Variants in FHIT observed in about 807,000 individuals in gnomAD.
FHIT encodes the protein fragile histidine triad diadenosine triphosphatase, also known as bis(5'-adenosyl)-triphosphatase.
Under a neutral mutation model 17.9 loss-of-function variants are expected in FHIT, and 19 were observed. That is an observed-to-expected ratio of 1.06 (90% CI 0.74 to 1.56). FHIT has a LOEUF of 1.56. Among genes scored for constraint, FHIT ranks in the 40% most tolerant of loss-of-function variants. FHIT has a pLI of 0.00. For synonymous variants in FHIT, 81 were observed against 69.7 expected, an observed-to-expected ratio of 1.16 and a Z score of -0.81; for missense variants, 248 against 189.2, an observed-to-expected ratio of 1.31 and a Z score of -1.82.
At chr3:60,753,359 C>G (rs529783998) in intron 4 of FHIT, among the ~76,000 whole-genome samples, 15 of 152,184 alleles carry the variant, frequency 9.9e-5, no homozygotes, top group Admixed American at 3.9e-4. Context: ...AGCCCTCTGG[C>G]GGGTAACAGA....
intron 4 of FHIT, among the ~76,000 whole-genome samples, chr3:60,798,361 C>T (rs999791749): frequency 6.6e-6 from 1 of 152,146 alleles, no homozygotes; most frequent in Admixed American, 6.5e-5. Context: ...ACTAAAATGT[C>T]ATCAGCCCAA....
chr3:60,551,714 T>C (rs1483639486), intron 4 of FHIT, among the ~76,000 whole-genome samples: 3 of 148,944 alleles, frequency 2.0e-5, no homozygotes, highest in African/African-American at 7.5e-5. Flanking sequence ...GCTGTGATCA[T>C]GCCCCTGCAC....
intron 8 of FHIT, among the ~76,000 whole-genome samples, chr3:59,846,201 G>A (rs1220087208): frequency 6.6e-6 from 1 of 151,712 alleles, no homozygotes; most frequent in Non-Finnish European, 1.5e-5. Context: ...TTTGTGTTTG[G>A]TTGATTTCTT....
Position 60,014,165 on chromosome 3 carries a change from C to T in FHIT, c.104-13G>A. 1 of 1,613,638 alleles carries T rather than the reference C, an allele frequency of 6.2e-7. No individual in the cohort carries two copies. The highest frequency in any genetic ancestry group is 8.5e-7 in the Non-Finnish European group (1 of 1,179,786). Reference sequence around the variant, plus strand: ...CACACAAGGACATCTGTAGCAAGGTCTGTTAAGGCCCATGCTGCTGGCTTT... The same window carrying T: ...CACACAAGGACATCTGTAGCAAGGTTTGTTAAGGCCCATGCTGCTGGCTTT... On this transcript the variant is annotated splice_polypyrimidine_tract_variant and intron_variant, in intron 5 of 9. Transcript: ENST00000492590.
intron 7 of FHIT, among the ~76,000 whole-genome samples, chr3:59,978,319 C>A (rs951248059): frequency 6.6e-6 from 1 of 152,092 alleles, no homozygotes; most frequent in Admixed American, 6.6e-5. Flanking sequence ...GGCCACCTTA[C>A]ATGCCAATTA....
intron 2 of FHIT, among the ~76,000 whole-genome samples, chr3:61,156,947 A>G (rs2037551240): frequency 6.6e-6 from 1 of 152,234 alleles, no homozygotes; most frequent in Non-Finnish European, 1.5e-5. Flanking sequence ...CATGCCTACT[A>G]AAGTTTGGAA....
chr3:60,136,796 G>A lies in FHIT; in HGVS notation c.104-122644C>T, dbSNP rs12629475. On this transcript the variant is annotated intron_variant, in intron 5 of 9. Transcript: ENST00000492590. Reference sequence around the variant, plus strand: ...ACGAGGCCATGTACCTTGTGGGGGAGCTGTGTCTCCACAAAAGGAGTATCT... The same window carrying A: ...ACGAGGCCATGTACCTTGTGGGGGAACTGTGTCTCCACAAAAGGAGTATCT... Among the ~76,000 whole-genome samples, 21 of 152,278 alleles carry A rather than the reference G, an allele frequency of 1.4e-4. No homozygotes were observed. The East Asian group carries it at 2.9e-3, about 21-fold the overall frequency.
At chr3:61,221,500 T>G (rs192498483) in intron 1 of FHIT, among the ~76,000 whole-genome samples, 19 of 152,318 alleles carry the variant, frequency 1.2e-4, no homozygotes, top group Non-Finnish European at 2.4e-4. Flanking sequence ...TCAGATAGCC[T>G]TAGACTTAAA....
intron 5 of FHIT, among the ~76,000 whole-genome samples, chr3:60,452,129 A>G (rs1344225558): frequency 1.3e-5 from 2 of 152,218 alleles, no homozygotes; most frequent in African/African-American, 4.8e-5. Context: ...GAGGAGAAAT[A>G]CTGTAACCAC....
intron 8 of FHIT, among the ~76,000 whole-genome samples, chr3:59,784,495 C>A (rs673870): frequency 6.6e-6 from 1 of 152,162 alleles, no homozygotes; most frequent in African/African-American, 2.4e-5. Flanking sequence ...TCATTACTTA[C>A]AACTGTGTGG....
At chr3:60,371,650 G>A (rs936832463) in intron 5 of FHIT, among the ~76,000 whole-genome samples, 1 of 152,042 alleles carries the variant, frequency 6.6e-6, no homozygotes, top group East Asian at 1.9e-4. Flanking sequence ...GCTCTATGAT[G>A]TAACTTAGAA....
intron 6 of FHIT, among the ~76,000 whole-genome samples, chr3:60,013,050 TTTG>T (rs1700201978): frequency 6.6e-6 from 1 of 151,968 alleles, no homozygotes; most frequent in East Asian, 1.9e-4. Context: ...ACACAAAGCA[TTTG>T]GGGGAAGTTT....
At chr3:60,525,914 GC>G (rs2035555534) in intron 5 of FHIT, among the ~76,000 whole-genome samples, 1 of 152,034 alleles carries the variant, frequency 6.6e-6, no homozygotes, top group South Asian at 2.1e-4. Flanking sequence ...ATCAGCCTGA[GC>G]AACATGGTGA....
chr3:60,940,591 T>C (rs1708369555), intron 3 of FHIT, among the ~76,000 whole-genome samples: 1 of 152,212 alleles, frequency 6.6e-6, no homozygotes, highest in African/African-American at 2.4e-5. Flanking sequence ...TGATAATGTC[T>C]GAGGGTTATA....
Position 59,971,928 on chromosome 3 carries a change from C to G in FHIT, c.279+39443G>C, listed in dbSNP as rs143797931. The stretch of plus-strand genomic sequence containing the variant: ...CACCAACGTCAGTGCCTTATTCCAT[C>G]TCATTTCTCCCATTCAGTTAGTTTC... On this transcript the variant is annotated intron_variant, in intron 7 of 9. Coordinates refer to ENST00000492590, the MANE Select transcript of FHIT (RefSeq NM_002012.4). 1.4e-3 allele frequency among the ~76,000 whole-genome samples: 219 copies of G among 152,316 alleles called. 1 individual carries two copies. Among genetic ancestry groups the G allele is most frequent in the African/African-American group, 4.7e-3 (195 of 41,578 alleles).
At chr3:60,525,596 G>C (rs2035543727) in intron 5 of FHIT, among the ~76,000 whole-genome samples, 1 of 152,050 alleles carries the variant, frequency 6.6e-6, no homozygotes, top group Non-Finnish European at 1.5e-5. Flanking sequence ...TAATATCTTG[G>C]GCAGAACGTA....
rs797044160 is a variant in FHIT at position 60,799,923 on chromosome 3, C to T, written c.-18+21996G>A. Among the ~76,000 whole-genome samples, 5 of 152,224 alleles carry T rather than the reference C, an allele frequency of 3.3e-5. 1 individual carries two copies. The highest frequency in any genetic ancestry group is 1.2e-4 in the African/African-American group (5 of 41,528). On this transcript the variant is annotated intron_variant, in intron 4 of 9. Coordinates refer to ENST00000492590, the MANE Select transcript of FHIT (RefSeq NM_002012.4). The stretch of plus-strand genomic sequence containing the variant: ...TTTATTTTGTTTATCACTTCCAGTG[C>T]CCACAATGCCTGGAAATCATACATA...
intron 7 of FHIT, among the ~76,000 whole-genome samples, chr3:59,931,232 C>T (rs1028794004): frequency 6.6e-5 from 10 of 152,296 alleles, no homozygotes; most frequent in East Asian, 5.8e-4. Flanking sequence ...CTTAATTCTA[C>T]GGTGAGCCTT....
chr3:60,545,472 G>A (rs565211698), intron 4 of FHIT, among the ~76,000 whole-genome samples: 7 of 152,138 alleles, frequency 4.6e-5, no homozygotes, highest in African/African-American at 1.7e-4. Context: ...TCCAGACTTA[G>A]TGTTTTTCTC....
Sources: allele counts gnomAD v4.1 joint callset (sites outside exome capture counted in the v4.1 genomes callset), GRCh38; gene constraint gnomAD v4.1.1; transcripts MANE v1.5; gene names NCBI Gene and HGNC (gene_info 2026-07-23, HGNC 2026-07-21).